VPS13B: variants seen among roughly 807,000 people sequenced by gnomAD.
VPS13B encodes intermembrane lipid transfer protein VPS13B.
VPS13B carries 285 observed loss-of-function variants against 426.4 expected under a neutral mutation model. The observed-to-expected ratio is 0.67, with a 90% CI of 0.61 to 0.74. The LOEUF (loss-of-function observed/expected upper bound fraction) is 0.74. Ranked by LOEUF, VPS13B falls within the 30% of genes least tolerant of loss-of-function variation. VPS13B has a pLI of 0.00. For synonymous variants in VPS13B, 1,676 were observed against 1,676.4 expected, an observed-to-expected ratio of 1.00 and a Z score of 0.01; for missense variants, 4,537 against 4,782.6, an observed-to-expected ratio of 0.95 and a Z score of 1.51.
intron 14 of VPS13B, among the ~76,000 whole-genome samples, 185 bp downstream of exon 14, chr8:99,148,195 G>C (rs1330758467): frequency 6.6e-6 from 1 of 151,456 alleles, no homozygotes; most frequent in Non-Finnish European, 1.5e-5. Context: ...CTAGGCAACA[G>C]CAATACCTTG....
At chr8:99,065,855 A>G (rs985072958) in intron 3 of VPS13B, among the ~76,000 whole-genome samples, 5 of 152,226 alleles carry the variant, frequency 3.3e-5, no homozygotes, top group Non-Finnish European at 5.9e-5. Context: ...ATTCCTATAC[A>G]CTAATAACAG....
At chr8:99,768,640 T>C (rs1294272512) in intron 40 of VPS13B, among the ~76,000 whole-genome samples, 1 of 152,216 alleles carries the variant, frequency 6.6e-6, no homozygotes, top group African/African-American at 2.4e-5. Flanking sequence ...TGTTTTATAT[T>C]TCATATATTC....
intron 17 of VPS13B, among the ~76,000 whole-genome samples, chr8:99,231,299 C>A (rs181416218): frequency 1.1e-4 from 16 of 150,204 alleles, no homozygotes; most frequent in Admixed American, 9.9e-4. Context: ...GGATATATTT[C>A]TTTTGTTGTT....
At position 99,271,949 on chromosome 8, in the gene VPS13B, A is replaced by G. The variant is rs567413456; in HGVS notation, c.2516-2249A>G. On this transcript the variant is annotated intron_variant, in intron 17 of 61. Coordinates refer to ENST00000357162, the MANE Select transcript of VPS13B (RefSeq NM_152564.5). Reference sequence around the variant, plus strand: ...AATATCATAAGGGTTGATTTGGGACAAGGTATTTCTCAGGATAACATTCTC... The same window carrying G: ...AATATCATAAGGGTTGATTTGGGACGAGGTATTTCTCAGGATAACATTCTC... Among the ~76,000 whole-genome samples the G allele has an allele frequency of 4.6e-5, 7 of 152,296 alleles. No homozygotes were observed. In the South Asian group the frequency reaches 1.2e-3, roughly 27 times the overall value.
rs568064433 is a variant in VPS13B, at chr8:99,139,372, G to A, written c.1651+2620G>A. Reference sequence around the variant, plus strand: ...GAACCAAGATCACACACAGTATGTGGGATTTGAACCCAACCTATCCAGCTC... The same window carrying A: ...GAACCAAGATCACACACAGTATGTGAGATTTGAACCCAACCTATCCAGCTC... On this transcript the variant is annotated intron_variant, in intron 12 of 61. Coordinates refer to ENST00000357162, the MANE Select transcript of VPS13B (RefSeq NM_152564.5). 4.6e-5 allele frequency among the ~76,000 whole-genome samples: 7 copies of A among 151,268 alleles called. No homozygotes were observed. In the South Asian group the frequency reaches 1.5e-3, roughly 32 times the overall value.
chr8:99,825,433 C>G (rs1814625878), intron 51 of VPS13B, among the ~76,000 whole-genome samples: 1 of 151,898 alleles, frequency 6.6e-6, no homozygotes, highest in Admixed American at 6.6e-5. Context: ...TTGGTTTTTT[C>G]TTGTAAATTT....
intron 30 of VPS13B, among the ~76,000 whole-genome samples, chr8:99,554,726 G>A (rs1218084470): frequency 1.3e-5 from 2 of 152,066 alleles, no homozygotes; most frequent in Non-Finnish European, 2.9e-5. Context: ...GCTGAGCTGG[G>A]CCTTTAAGAA....
At chr8:99,608,855 T>A (rs1827717138) in intron 33 of VPS13B, among the ~76,000 whole-genome samples, 1 of 152,160 alleles carries the variant, frequency 6.6e-6, no homozygotes, top group South Asian at 2.1e-4. Flanking sequence ...AGTAATATTT[T>A]ATTGTATAGA....
At chr8:99,437,401 T>C (rs1156574384) in intron 22 of VPS13B, among the ~76,000 whole-genome samples, 3 of 151,122 alleles carry the variant, frequency 2.0e-5, no homozygotes, top group African/African-American at 7.4e-5. Flanking sequence ...CAGTCTTTTT[T>C]TTTAAAAAAA....
At position 99,696,482 on chromosome 8, in the gene VPS13B, C is replaced by T. The variant is rs567099500; in HGVS notation, c.6047-3043C>T. On this transcript the variant is annotated intron_variant, in intron 35 of 61. Coordinates refer to ENST00000357162, the MANE Select transcript of VPS13B (RefSeq NM_152564.5). ...TTCTCCGGATCCGCGCCGACCTCCT[C>T]CGCTTGGTGCCGTTCCTTGTGTTCG... is the stretch of plus-strand genomic sequence containing the variant. 2.5e-5 allele frequency: 10 copies of T among 402,942 alleles called. No individual in the cohort carries two copies. In the Admixed American group the frequency reaches 3.2e-4, roughly 13 times the overall value. The allele number at this position is 402,942 out of a possible 1,614,324, so 25.0% of individuals were successfully genotyped here.
chr8:99,223,687 T>C (rs1815856443), intron 17 of VPS13B, among the ~76,000 whole-genome samples: 1 of 152,172 alleles, frequency 6.6e-6, no homozygotes, highest in African/African-American at 2.4e-5. Context: ...ACATGAAGTT[T>C]GTACAAACTG....
chr8:99,623,496 G>A (rs1227973392), intron 33 of VPS13B, among the ~76,000 whole-genome samples: 1 of 152,006 alleles, frequency 6.6e-6, no homozygotes, highest in Non-Finnish European at 1.5e-5. Flanking sequence ...GTTTTTACTG[G>A]TATCTACCCA....
chr8:99,808,508 CAAAA>C (rs758638504), intron 43 of VPS13B, among the ~76,000 whole-genome samples: 3 of 64,942 alleles, frequency 4.6e-5, no homozygotes, highest in East Asian at 5.0e-4. Context: ...GAGCGAGACT[CAAAA>C]AAAAAAAAAA....
intron 17 of VPS13B, among the ~76,000 whole-genome samples, chr8:99,247,784 T>G (rs1417767189): frequency 6.6e-6 from 1 of 152,248 alleles, no homozygotes; most frequent in Non-Finnish European, 1.5e-5. Context: ...TCTTAAATTT[T>G]TTTTTCATTT....
chr8:99,853,994 C>A lies in VPS13B; in HGVS notation c.10605C>A (p.His3535Gln). 6.2e-7 allele frequency: 1 copy of A among 1,614,242 alleles called. No individual in the cohort carries two copies. The change falls in exon 56 of 62, where the codon CAC (histidine) becomes CAA (glutamine). Residue 3535 changes from histidine to glutamine, a missense_variant. This residue lies in a region of VPS13B where 4,311 missense variants were observed against 4,474.3 expected (regional missense o/e 0.96). Transcript: ENST00000357162. ...GCAGGTTGGCTGGTCACTCCACACA[C>A]CTCTCCGGGGGTAAACAGGTGTTGC... is the stretch of plus-strand genomic sequence containing the variant. The part of the protein sequence containing the change: ...PNSRLAGHST[H>Q]LSGGKQVLPM...
At chr8:99,557,694 C>T (rs1824662871) in intron 31 of VPS13B, among the ~76,000 whole-genome samples, 1 of 152,054 alleles carries the variant, frequency 6.6e-6, no homozygotes, top group South Asian at 2.1e-4. Flanking sequence ...GGTAGTTCTA[C>T]TTTTAGTTCT....
At chr8:99,161,156 A>G (rs904584861) in intron 15 of VPS13B, among the ~76,000 whole-genome samples, 11 of 152,326 alleles carry the variant, frequency 7.2e-5, no homozygotes, top group South Asian at 2.1e-4. Flanking sequence ...TTCAGATTCA[A>G]TGCTTTATAC....
intron 52 of VPS13B, among the ~76,000 whole-genome samples, chr8:99,833,745 A>G (rs1815220859): frequency 6.6e-6 from 1 of 152,264 alleles, no homozygotes; most frequent in Non-Finnish European, 1.5e-5. Context: ...TTGGAAATTA[A>G]GCTTAAAATT....
chr8:99,123,546 A>G (rs1848051732), intron 8 of VPS13B, among the ~76,000 whole-genome samples: 1 of 152,276 alleles, frequency 6.6e-6, no homozygotes, highest in South Asian at 2.1e-4. Context: ...GATCTGGGTT[A>G]TATTTTAATC....
Sources: allele counts gnomAD v4.1 joint callset (sites outside exome capture counted in the v4.1 genomes callset), GRCh38; gene constraint gnomAD v4.1.1; regional missense constraint gnomAD v4.1.1; transcripts MANE v1.5; gene names NCBI Gene and HGNC (gene_info 2026-07-23, HGNC 2026-07-21).